The following SHANK2 variants were observed in gnomAD, a reference collection of about 807,000 sequenced individuals.
SHANK2 encodes SH3 and multiple ankyrin repeat domains protein 2.
Under a neutral mutation model 133.7 loss-of-function variants are expected in SHANK2, and 43 were observed. The ratio of observed to expected loss-of-function variants is 0.32; its 90% CI spans 0.25 to 0.41. The LOEUF (loss-of-function observed/expected upper bound fraction) is 0.41, where lower values mean the gene tolerates loss of function less well. SHANK2 is among the 10% of genes least tolerant of loss of function. SHANK2 has a pLI of 1.00. For missense variants in SHANK2, 1,994 were observed against 2,235.8 expected, an observed-to-expected ratio of 0.89 and a Z score of 2.18; for synonymous variants, 1,017 against 952.8, an observed-to-expected ratio of 1.07 and a Z score of -1.24.
chr11:71,071,337 T>C (rs1438709238), intron 9 of SHANK2, among the ~76,000 whole-genome samples: 1 of 152,166 alleles, frequency 6.6e-6, no homozygotes, highest in Non-Finnish European at 1.5e-5. Context: ...TCAATGTGCT[T>C]TCTTTGAGTG....
chr11:70,869,664 T>C (rs1057067352), intron 11 of SHANK2, among the ~76,000 whole-genome samples: 12 of 152,144 alleles, frequency 7.9e-5, no homozygotes, highest in Non-Finnish European at 1.3e-4. Context: ...AACCAGCAGA[T>C]ACTTCCTTGG....
chr11:70,573,747 C>T (rs1554983643), intron 17 of SHANK2, among the ~76,000 whole-genome samples: 1 of 152,178 alleles, frequency 6.6e-6, no homozygotes, highest in Non-Finnish European at 1.5e-5. Flanking sequence ...CCAGCCGATG[C>T]CCCAAGCCCC....
At chr11:70,943,280 T>G (rs1950673358) in intron 10 of SHANK2, among the ~76,000 whole-genome samples, 1 of 152,168 alleles carries the variant, frequency 6.6e-6, no homozygotes, top group Non-Finnish European at 1.5e-5. Context: ...GCTAAGGCAC[T>G]TCTTAGATAA....
intron 17 of SHANK2, among the ~76,000 whole-genome samples, chr11:70,528,251 G>A (rs2059423880): frequency 6.6e-6 from 1 of 152,254 alleles, no homozygotes; most frequent in Non-Finnish European, 1.5e-5. Context: ...TGTGTGGGAC[G>A]AACGTGGCTC....
chr11:70,858,015 A>C (rs571443808), intron 11 of SHANK2, among the ~76,000 whole-genome samples: 1 of 152,292 alleles, frequency 6.6e-6, no homozygotes, highest in Admixed American at 6.5e-5. Context: ...GCAAGTTGCA[A>C]GACACCATTT....
At chr11:70,756,931 A>G (rs1272643889) in intron 14 of SHANK2, among the ~76,000 whole-genome samples, 1 of 152,108 alleles carries the variant, frequency 6.6e-6, no homozygotes, top group African/African-American at 2.4e-5. Flanking sequence ...CCAGGCTCCA[A>G]ACCTCCTGGG....
chr11:70,661,521 ACACACACACACACACACACACACACACAC>A, intron 16 of SHANK2, 46 bp downstream of exon 16: 1 of 312,736 alleles, frequency 3.2e-6, no homozygotes, highest in African/African-American at 2.7e-5. Flanking sequence ...ACACACACAC[ACACACACACACACACACACACACACACAC>A]ACACAAACAT....
At chr11:71,170,700 C>T (rs1319347200) in intron 2 of SHANK2, among the ~76,000 whole-genome samples, 1 of 152,208 alleles carries the variant, frequency 6.6e-6, no homozygotes, top group Non-Finnish European at 1.5e-5. Context: ...TGCCTGTTCC[C>T]GACCTCCAAG....
intron 17 of SHANK2, 100 bp from the exon 18 acceptor site, chr11:70,503,031 G>A (rs1179585359): frequency 1.4e-5 from 19 of 1,326,066 alleles, no homozygotes; most frequent in Non-Finnish European, 1.8e-5. Context: ...TAAAAAGGGG[G>A]CAAATGCAGG....
chr11:71,106,808 CAAG>C (rs1951808462), intron 6 of SHANK2, among the ~76,000 whole-genome samples: 1 of 150,998 alleles, frequency 6.6e-6, no homozygotes, highest in Non-Finnish European at 1.5e-5. Context: ...GACCCTGTCT[CAAG>C]AAGAAGGAAG....
At chr11:70,506,787 T>C (rs1461819277) in intron 17 of SHANK2, among the ~76,000 whole-genome samples, 3 of 152,118 alleles carry the variant, frequency 2.0e-5, no homozygotes, top group African/African-American at 4.8e-5. Context: ...GGGGCCCTGC[T>C]GCTTGCTGGG....
chr11:70,770,950 G>C (rs1555042646), intron 14 of SHANK2, among the ~76,000 whole-genome samples: 1 of 106,744 alleles, frequency 9.4e-6, no homozygotes, highest in Non-Finnish European at 1.9e-5. Context: ...TTTTTGACAG[G>C]GTCTCACTCT....
Position 70,485,636 on chromosome 11 carries a change from T to G in SHANK2, c.4657A>C (p.Lys1553Gln). The change falls in exon 25 of 26, where the codon AAG becomes CAG. Residue 1553 changes from lysine (K) to glutamine (Q), a missense_variant. Coordinates refer to ENST00000601538, the MANE Select transcript of SHANK2 (RefSeq NM_012309.5). The surrounding 1 kb of genome is among the most constrained non-coding windows in gnomAD (Gnocchi z 5.8). ...GCATTGCTTTTGTGAATGATGGGCT[T>G]CATTTTTGGCTTAGGAGGTACTGGG... The part of the protein sequence containing the change: ...KPPVPPKPKM[K>Q]PIIHKSNALY... The G allele has an allele frequency of 6.2e-7, 1 of 1,614,120 alleles. No individual in the cohort carries two copies. The highest frequency in any genetic ancestry group is 8.5e-7 in the Non-Finnish European group (1 of 1,180,040).
intron 10 of SHANK2, among the ~76,000 whole-genome samples, chr11:70,939,600 A>G (rs1319566278): frequency 6.6e-6 from 1 of 152,182 alleles, no homozygotes; most frequent in Non-Finnish European, 1.5e-5. Flanking sequence ...TTCGTTCTCC[A>G]TCCAACAGCT....
chr11:70,762,267 C>T (rs1053401048), intron 14 of SHANK2, among the ~76,000 whole-genome samples: 6 of 152,208 alleles, frequency 3.9e-5, no homozygotes, highest in East Asian at 3.9e-4. Flanking sequence ...ATTTTTAAGC[C>T]GAAGGAAAAT....
rs782222370 is a variant in SHANK2 at position 70,746,631 on chromosome 11, C to T, written c.1778-47868G>A. ...CCCGTGCTCACAGCCCCCATCTCCC[C>T]GCTGCTTTCAGGGTCACCCCTAGGA... On this transcript the variant is annotated intron_variant, in intron 14 of 25. Transcript: ENST00000601538. Among the ~76,000 whole-genome samples, 9 of 152,326 alleles carry T rather than the reference C, an allele frequency of 5.9e-5. No individual in the cohort carries two copies. The South Asian group carries it at 1.0e-3, about 18-fold the overall frequency.
At chr11:70,661,922 C>A (rs1944553160) in intron 15 of SHANK2, 1 of 1,012,156 alleles carries the variant, frequency 9.9e-7, no homozygotes, top group African/African-American at 1.6e-5. Context: ...AGAGCCGGAG[C>A]CAGCCGGAGG....
At chr11:70,881,560 T>TA (rs1555072398) in intron 11 of SHANK2, among the ~76,000 whole-genome samples, 850 of 14,514 alleles carry the variant, frequency 0.059, 11 homozygotes, top group East Asian at 0.41. Flanking sequence ...ATAATAATAA[T>TA]ATTAATAATA....
intron 2 of SHANK2, among the ~76,000 whole-genome samples, chr11:71,207,502 A>AG (rs1954151184): frequency 6.6e-6 from 1 of 152,144 alleles, no homozygotes; most frequent in Non-Finnish European, 1.5e-5. Flanking sequence ...TATTTCTAAC[A>AG]GTCTCAGATA....
Sources: gnomAD v4.1 joint callset for allele counts (sites outside exome capture counted in the v4.1 genomes callset) on GRCh38, gnomAD v4.1.1 for gene constraint, Gnocchi (gnomAD v3.1) non-coding constraint, MANE v1.5 for transcripts, NCBI Gene and HGNC (gene_info 2026-07-23, HGNC 2026-07-21) for gene names.